SRL: variants seen among roughly 807,000 people sequenced by gnomAD.
SRL encodes sarcalumenin.
In SRL, 23 loss-of-function variants were observed where a neutral mutation model predicts 39.5. That is an observed-to-expected ratio of 0.58 (90% confidence interval 0.42 to 0.82). The LOEUF (loss-of-function observed/expected upper bound fraction) is 0.82, where lower values mean the gene tolerates loss of function less well. Among genes scored for constraint, SRL ranks in the 40% least tolerant of loss-of-function variants. SRL has a pLI of 0.00. For missense variants in SRL, 592 were observed against 607.8 expected (o/e 0.97, Z 0.27); for synonymous variants, 272 against 237.4 (o/e 1.15, Z -1.34).
intron 1 of SRL, among the ~76,000 whole-genome samples, chr16:4,204,893 T>C (rs2052299113): frequency 6.6e-6 from 1 of 152,226 alleles, no homozygotes; most frequent in Admixed American, 6.5e-5. Context: ...ATTTCATATA[T>C]TCAACAAATA....
rs1296605352 is a variant in SRL at position 4,192,756 on chromosome 16, G to A, written c.819C>T (p.Phe273=). The A allele has an allele frequency of 6.2e-7, 1 of 1,614,214 alleles. No individual in the cohort carries two copies. The highest frequency in any genetic ancestry group is 8.5e-7 in the Non-Finnish European group (1 of 1,180,040). The change falls in exon 6 of 6, where the codon TTC becomes TTT. Residue 273 remains phenylalanine (F), a synonymous_variant. Transcript: ENST00000399609. This position sits in a 1 kb window ranked among gnomAD's most constrained non-coding sequence, Gnocchi z 4.0. The stretch of plus-strand genomic sequence containing the variant: ...CATTGATGAGAGGGGCCAAGCTCCA[G>A]AAGAGGGCCCCGTAAACCCGCATGA... The part of the protein sequence containing the change: ...QMLMRVYGAL[F]WSLAPLINVT...
At chr16:4,232,943 G>A (rs569346921) in intron 1 of SRL, among the ~76,000 whole-genome samples, 2 of 152,310 alleles carry the variant, frequency 1.3e-5, no homozygotes, top group African/African-American at 4.8e-5. Flanking sequence ...CAAACCCCGG[G>A]ACTCTCCCCT....
chr16:4,240,614 A>G (rs2052762846), intron 1 of SRL, among the ~76,000 whole-genome samples: 1 of 152,118 alleles, frequency 6.6e-6, no homozygotes, highest in Non-Finnish European at 1.5e-5. Flanking sequence ...TCCCCACGAC[A>G]AGAGCCCCCA....
chr16:4,238,999 G>A (rs1210136170), intron 1 of SRL, among the ~76,000 whole-genome samples: 1 of 152,116 alleles, frequency 6.6e-6, no homozygotes, highest in African/African-American at 2.4e-5. Context: ...GGGACCAGAT[G>A]TCCCCTACAG....
At chr16:4,195,841 A>G in intron 4 of SRL, 55 bp from the exon 5 acceptor site, 1 of 1,459,212 alleles carries the variant, frequency 6.9e-7, no homozygotes, top group South Asian at 1.2e-5. Flanking sequence ...AAACAGATCT[A>G]CTGAGAAGCA....
chr16:4,219,499 G>A (rs1401344264), intron 1 of SRL, among the ~76,000 whole-genome samples: 1 of 152,156 alleles, frequency 6.6e-6, no homozygotes, highest in African/African-American at 2.4e-5. Context: ...TATCACCCAG[G>A]CTGGAGTGCA....
At chr16:4,195,964 CT>C (rs1222358715) in intron 4 of SRL, among the ~76,000 whole-genome samples, 178 bp from the exon 5 acceptor site, 1 of 151,836 alleles carries the variant, frequency 6.6e-6, no homozygotes. Context: ...TAAAATTTAC[CT>C]TTTTTTTCTT....
At chr16:4,239,376 G>A (rs989371461) in intron 1 of SRL, among the ~76,000 whole-genome samples, 1 of 152,212 alleles carries the variant, frequency 6.6e-6, no homozygotes, top group African/African-American at 2.4e-5. Flanking sequence ...GGAGGTGGAG[G>A]AAGGATGAGA....
intron 3 of SRL, among the ~76,000 whole-genome samples, chr16:4,198,784 C>G (rs922247812): frequency 6.6e-6 from 1 of 152,144 alleles, no homozygotes; most frequent in Non-Finnish European, 1.5e-5. Flanking sequence ...CCTCTAAAGT[C>G]CATGACAAAT....
chr16:4,198,590 A>G (rs1200267420), intron 3 of SRL, among the ~76,000 whole-genome samples: 1 of 152,108 alleles, frequency 6.6e-6, no homozygotes, highest in African/African-American at 2.4e-5. Flanking sequence ...GACTACAGGC[A>G]TGCACCACTA....
intron 1 of SRL, among the ~76,000 whole-genome samples, chr16:4,233,260 G>A (rs536417443): frequency 1.8e-4 from 28 of 152,326 alleles, no homozygotes; most frequent in Non-Finnish European, 3.2e-4. Context: ...CCCTGGCAGT[G>A]CCGTGCTCTG....
At chr16:4,209,031 G>A (rs536879872) in intron 1 of SRL, among the ~76,000 whole-genome samples, 3 of 152,182 alleles carry the variant, frequency 2.0e-5, no homozygotes, top group Non-Finnish European at 4.4e-5. Flanking sequence ...CCAGCACTTT[G>A]GGAGGTCGAG....
In SRL at chr16:4,203,295, C is replaced by T. The variant is rs115258624; in HGVS notation, c.164-34G>A. 3.0e-3 allele frequency: 4,803 copies of T among 1,585,298 alleles called. 125 individuals carry two copies. In the African/African-American group the frequency reaches 0.055, roughly 18 times the overall value. On this transcript the variant is annotated intron_variant, in intron 2 of 5. Transcript: ENST00000399609. ...AGAGAGGGCCGGGGGAAGAGCATCACGCAGGTGCGATCCAGGCAGCTCCTC... is the reference window on the plus strand; with the variant it reads ...AGAGAGGGCCGGGGGAAGAGCATCATGCAGGTGCGATCCAGGCAGCTCCTC...
intron 1 of SRL, among the ~76,000 whole-genome samples, chr16:4,211,172 AAAAG>A (rs2052387523): frequency 6.6e-6 from 1 of 152,150 alleles, no homozygotes; most frequent in African/African-American, 2.4e-5. Flanking sequence ...TAAAAAAAAA[AAAAG>A]TTCTTAGGTA....
intron 1 of SRL, among the ~76,000 whole-genome samples, chr16:4,239,455 T>A (rs2052747818): frequency 6.6e-6 from 1 of 152,002 alleles, no homozygotes. Flanking sequence ...AGCAAAGAGG[T>A]CCCAAATTCT....
intron 5 of SRL, among the ~76,000 whole-genome samples, chr16:4,194,499 A>G (rs1265513957): frequency 1.3e-5 from 2 of 152,176 alleles, no homozygotes; most frequent in Non-Finnish European, 2.9e-5. Context: ...AACCGGGAAT[A>G]GGAGGAGTTG....
At chr16:4,213,107 A>T (rs2052413654) in intron 1 of SRL, among the ~76,000 whole-genome samples, 1 of 152,096 alleles carries the variant, frequency 6.6e-6, no homozygotes, top group South Asian at 2.1e-4. Flanking sequence ...TTTTGCCCCC[A>T]TGGAGTTCAC....
At chr16:4,197,068 T>TC (rs2052158166) in intron 4 of SRL, among the ~76,000 whole-genome samples, 1 of 80,128 alleles carries the variant, frequency 1.2e-5, no homozygotes, top group African/African-American at 4.9e-5. Flanking sequence ...TTCTTTTTTT[T>TC]TTTTTTTTTT....
At chr16:4,231,059 T>C (rs963918215) in intron 1 of SRL, among the ~76,000 whole-genome samples, 5 of 152,182 alleles carry the variant, frequency 3.3e-5, no homozygotes, top group African/African-American at 9.7e-5. Flanking sequence ...GGCTCACACC[T>C]GTAATCCCAG....
Sources: allele counts gnomAD v4.1 joint callset (sites outside exome capture counted in the v4.1 genomes callset), GRCh38; gene constraint gnomAD v4.1.1; non-coding constraint Gnocchi (gnomAD v3.1); transcripts MANE v1.5; gene names NCBI Gene and HGNC (gene_info 2026-07-23, HGNC 2026-07-21).